BICD1: variants seen among roughly 807,000 people sequenced by gnomAD.
The protein encoded by BICD1 is protein bicaudal D homolog 1.
In BICD1, 35 loss-of-function variants were observed where a neutral mutation model predicts 92.5. That is an observed-to-expected ratio of 0.38 (90% CI 0.29 to 0.50). The LOEUF (loss-of-function observed/expected upper bound fraction) is 0.50. Among genes scored for constraint, BICD1 ranks in the 20% least tolerant of loss-of-function variants. BICD1 has a pLI of 0.93. For synonymous variants in BICD1, 429 were observed against 465.1 expected (o/e 0.92, Z 1.00); for missense variants, 950 against 1,189.8 (o/e 0.80, Z 2.97).
At chr12:32,158,073 G>A (rs1943491510) in intron 1 of BICD1, among the ~76,000 whole-genome samples, 1 of 151,618 alleles carries the variant, frequency 6.6e-6, no homozygotes, top group Admixed American at 6.6e-5. Flanking sequence ...GGCTTACACA[G>A]GACGATAATT....
At chr12:32,365,922 T>C (rs1285061605) in intron 8 of BICD1, among the ~76,000 whole-genome samples, 1 of 152,204 alleles carries the variant, frequency 6.6e-6, no homozygotes, top group Admixed American at 6.5e-5. Flanking sequence ...AGATTTGTTA[T>C]ATTTGAAAGA....
chr12:32,365,437 C>G (rs1422223262), intron 8 of BICD1, among the ~76,000 whole-genome samples: 1 of 152,118 alleles, frequency 6.6e-6, no homozygotes, highest in Non-Finnish European at 1.5e-5. Flanking sequence ...TAATCTGTGA[C>G]TGTATTGGCA....
At chr12:32,350,092 G>A (rs1938797168) in intron 8 of BICD1, among the ~76,000 whole-genome samples, 1 of 152,154 alleles carries the variant, frequency 6.6e-6, no homozygotes, top group African/African-American at 2.4e-5. Flanking sequence ...GTTGGGCAGG[G>A]GCAGCCTGAG....
intron 2 of BICD1, among the ~76,000 whole-genome samples, chr12:32,246,892 T>C (rs945750085): frequency 4.6e-5 from 7 of 151,986 alleles, no homozygotes; most frequent in Admixed American, 3.3e-4. Flanking sequence ...GGACCTCTCA[T>C]TGAGAAGCTG....
Position 32,107,424 on chromosome 12 carries a change from G to A in BICD1, c.93G>A (p.Lys31=). 6.2e-7 allele frequency: 1 copy of A among 1,612,304 alleles called. No individual in the cohort carries two copies. The highest frequency in any genetic ancestry group is 1.3e-5 in the African/African-American group (1 of 75,010). ...AGCTCACGGAGACCACCCACGAGAA[G>A]ATCCAGGCTGCCGAGTACGGGCTGG... ...TKELTETTHE[K]IQAAEYGLVV... is the part of the protein sequence containing the mutation. Residue 31 remains lysine (K), a synonymous_variant, in exon 1 of 10, where the codon AAG becomes AAA. Transcript: ENST00000652176.
At chr12:32,191,092 C>T (rs1944550419) in intron 1 of BICD1, among the ~76,000 whole-genome samples, 1 of 152,084 alleles carries the variant, frequency 6.6e-6, no homozygotes, top group South Asian at 2.1e-4. Context: ...AAAAGCAATT[C>T]TAAGAGGGAA....
chr12:32,181,666 T>C (rs1374154705), intron 1 of BICD1, among the ~76,000 whole-genome samples: 1 of 151,986 alleles, frequency 6.6e-6, no homozygotes, highest in Non-Finnish European at 1.5e-5. Flanking sequence ...TCAGCTAAGC[T>C]AGTGATTCTA....
intron 1 of BICD1, among the ~76,000 whole-genome samples, chr12:32,163,964 C>CA (rs1027177934): frequency 4.6e-5 from 7 of 152,164 alleles, no homozygotes; most frequent in African/African-American, 1.2e-4. Context: ...TATCAAATTT[C>CA]AAAATTTTTT....
At chr12:32,200,359 T>A (rs757193429) in intron 1 of BICD1, among the ~76,000 whole-genome samples, 8 of 152,354 alleles carry the variant, frequency 5.3e-5, no homozygotes, top group Non-Finnish European at 8.8e-5. Context: ...AGGACAGAGA[T>A]AGCTGGATGA....
chr12:32,116,510 C>CTATATATATATATATATA (rs370907481), intron 1 of BICD1, among the ~76,000 whole-genome samples: 6 of 104,366 alleles, frequency 5.7e-5, no homozygotes, highest in South Asian at 3.3e-4. Flanking sequence ...CTCTCTCTCT[C>CTATATATATATATATATA]TATATATATA....
At chr12:32,282,667 T>A (rs1947451150) in intron 2 of BICD1, among the ~76,000 whole-genome samples, 1 of 152,086 alleles carries the variant, frequency 6.6e-6, no homozygotes, top group African/African-American at 2.4e-5. Flanking sequence ...AGGGGCTTGG[T>A]ACAGACCTGG....
intron 2 of BICD1, among the ~76,000 whole-genome samples, chr12:32,231,655 T>C (rs2467117): frequency 0.43 from 64,950 of 149,752 alleles, 14,594 homozygotes; most frequent in Non-Finnish European, 0.49. Context: ...TAGTTACATA[T>C]GTATACATGT....
In BICD1 at chr12:32,116,962, A is replaced by G. The variant is rs921221790; in HGVS notation, c.213+9418A>G. Among the ~76,000 whole-genome samples the G allele has an allele frequency of 1.2e-4, 17 of 144,924 alleles. 1 individual carries two copies. In the East Asian group the frequency reaches 3.6e-3, roughly 30 times the overall value. Reference sequence around the variant, plus strand: ...AAACTCACTTTTCTTCTGGATTCATATTTTCTGATCTCACCTATTATGTTA... The same window carrying G: ...AAACTCACTTTTCTTCTGGATTCATGTTTTCTGATCTCACCTATTATGTTA... On this transcript the variant is annotated intron_variant, in intron 1 of 9. Coordinates refer to ENST00000652176, the MANE Select transcript of BICD1 (RefSeq NM_001714.4).
chr12:32,337,380 A>G lies in BICD1; in HGVS notation c.2253-119A>G. The stretch of plus-strand genomic sequence containing the variant: ...TGGGTTATCTACATTCTATTGCTAG[A>G]CCTTTAAACCAGTCTTCTAAATTTC... On this transcript the variant is annotated intron_variant, in intron 6 of 9. Transcript: ENST00000652176. This position sits in a 1 kb window ranked among gnomAD's most constrained non-coding sequence, Gnocchi z 4.7. 5 of 828,716 alleles carry G rather than the reference A, an allele frequency of 6.0e-6. No individual in the cohort carries two copies. Among genetic ancestry groups the G allele is most frequent in the Non-Finnish European group, 9.4e-6 (5 of 529,106 alleles). 51.3% of individuals were successfully genotyped at this position (828,716 alleles called of 1,614,324 possible).
intron 8 of BICD1, among the ~76,000 whole-genome samples, chr12:32,343,663 T>A (rs1458775755): frequency 2.0e-5 from 3 of 152,164 alleles, no homozygotes; most frequent in African/African-American, 4.8e-5. Flanking sequence ...TGTTCCTCCA[T>A]CCTTCCATCC....
intron 2 of BICD1, among the ~76,000 whole-genome samples, chr12:32,256,876 T>C (rs1157952634): frequency 1.3e-5 from 2 of 152,136 alleles, no homozygotes; most frequent in Non-Finnish European, 2.9e-5. Flanking sequence ...ATTATGCAGT[T>C]CATCATCAGA....
chr12:32,305,025 A>AC (rs201311063), intron 3 of BICD1, among the ~76,000 whole-genome samples: 2,382 of 147,756 alleles, frequency 0.016, 60 homozygotes, highest in African/African-American at 0.059. Context: ...CTCTCTCAAA[A>AC]CAAACCAACC....
At position 32,379,540 on chromosome 12, in the gene BICD1, T is replaced by C. The variant is rs1181697177; in HGVS notation, c.*1913T>C. 1 of 152,240 alleles carries C rather than the reference T, an allele frequency of 6.6e-6. No individual in the cohort carries two copies. Among genetic ancestry groups the C allele is most frequent in the Non-Finnish European group, 1.5e-5 (1 of 68,054 alleles). The allele number at this position is 152,240 out of a possible 1,614,324, so 9.4% of individuals were successfully genotyped here. The stretch of plus-strand genomic sequence containing the variant: ...CTCTTTTCTACCTGCATGGCCTTGC[T>C]GTTCCTAAACATTGTCTTCATTTCA... On this transcript the variant is annotated 3_prime_UTR_variant, in exon 10 of 10. Transcript: ENST00000652176.
At chr12:32,364,652 A>C (rs1323071491) in intron 8 of BICD1, among the ~76,000 whole-genome samples, 1 of 152,260 alleles carries the variant, frequency 6.6e-6, no homozygotes, top group Non-Finnish European at 1.5e-5. Context: ...TAAATGAAAA[A>C]TAATCATCAT....
Sources: gnomAD v4.1 joint callset for allele counts (sites outside exome capture counted in the v4.1 genomes callset) on GRCh38, gnomAD v4.1.1 for gene constraint, Gnocchi (gnomAD v3.1) non-coding constraint, MANE v1.5 for transcripts, NCBI Gene and HGNC (gene_info 2026-07-23, HGNC 2026-07-21) for gene names.